Variants in KIAA0930 observed in about 807,000 individuals in gnomAD.
KIAA0930 encodes the protein uncharacterized protein KIAA0930.
In KIAA0930, 24 loss-of-function variants were observed where a neutral mutation model predicts 43.9. The ratio of observed to expected loss-of-function variants is 0.55; its 90% CI spans 0.40 to 0.77. KIAA0930 has a LOEUF of 0.77. Ranked by LOEUF, KIAA0930 falls within the 30% of genes least tolerant of loss-of-function variation. KIAA0930 has a pLI of 0.00. For synonymous variants in KIAA0930, 259 were observed against 216.4 expected, an observed-to-expected ratio of 1.20 and a Z score of -1.73; for missense variants, 461 against 574.2, an observed-to-expected ratio of 0.80 and a Z score of 2.02.
At position 45,192,609 on chromosome 22, in the gene KIAA0930, G is replaced by T. The variant is rs543856154; in HGVS notation, c.*4567C>A. 5.9e-5 allele frequency: 9 copies of T among 152,226 alleles called. No individual in the cohort carries two copies. Among genetic ancestry groups the T allele is most frequent in the Non-Finnish European group, 1.3e-4 (9 of 68,040 alleles). 9.4% of individuals were successfully genotyped at this position (152,226 alleles called of 1,614,324 possible). Reference sequence around the variant, plus strand: ...CCTAAACTGCCTGGCCTTCCAGAGCGGGGACTAAAGGGGCAGGGCGGGGAA... The same window carrying T: ...CCTAAACTGCCTGGCCTTCCAGAGCTGGGACTAAAGGGGCAGGGCGGGGAA... On this transcript the variant is annotated 3_prime_UTR_variant, in exon 10 of 10. Transcript: ENST00000336156.
intron 2 of KIAA0930, among the ~76,000 whole-genome samples, chr22:45,206,693 G>A (rs953144010): frequency 4.0e-5 from 5 of 123,704 alleles, no homozygotes; most frequent in Non-Finnish European, 8.6e-5. Flanking sequence ...CTGGGAGACT[G>A]GCTTCCAATT....
At position 45,195,186 on chromosome 22, in the gene KIAA0930, C is replaced by G. The variant is rs2083525143; in HGVS notation, c.*1990G>C. On this transcript the variant is annotated 3_prime_UTR_variant, in exon 10 of 10. Coordinates refer to ENST00000336156, the MANE Select transcript of KIAA0930 (RefSeq NM_001009880.2). Reference sequence around the variant, plus strand: ...GGGAGCCCAGCTTGCTCTGAGCCATCCAGCAGTGCTGGCCAAGCCTCCGAG... The same window carrying G: ...GGGAGCCCAGCTTGCTCTGAGCCATGCAGCAGTGCTGGCCAAGCCTCCGAG... 1 of 152,216 alleles carries G rather than the reference C, an allele frequency of 6.6e-6. No homozygotes were observed. Among genetic ancestry groups the G allele is most frequent in the Non-Finnish European group, 1.5e-5 (1 of 68,040 alleles). 9.4% of individuals were successfully genotyped at this position (152,216 alleles called of 1,614,324 possible). A position where few individuals can be genotyped will look rare whatever the true frequency, so the allele number is the denominator to read the frequency against.
intron 1 of KIAA0930, among the ~76,000 whole-genome samples, chr22:45,229,107 A>T (rs2083831007): frequency 2.4e-5 from 1 of 40,878 alleles, no homozygotes; most frequent in African/African-American, 9.8e-5. Context: ...CACTCACCCG[A>T]GAGATCCCTC....
chr22:45,203,658 G>A (rs972925278), intron 6 of KIAA0930, among the ~76,000 whole-genome samples, 187 bp downstream of exon 6: 2 of 152,268 alleles, frequency 1.3e-5, no homozygotes, highest in Non-Finnish European at 2.9e-5. Context: ...GGCTGAGGCC[G>A]ACCATGAAGA....
At chr22:45,226,746 C>G (rs1374773422) in intron 1 of KIAA0930, 1 of 159,206 alleles carries the variant, frequency 6.3e-6, no homozygotes, top group Non-Finnish European at 1.4e-5. Context: ...CGACCACTTC[C>G]TGAGTAATTT....
intron 1 of KIAA0930, among the ~76,000 whole-genome samples, chr22:45,212,842 G>C (rs1214079907): frequency 1.5e-4 from 23 of 152,240 alleles, no homozygotes; most frequent in Admixed American, 1.5e-3. Context: ...CGGGGGCTCT[G>C]AGCCACAGGT....
intron 1 of KIAA0930, among the ~76,000 whole-genome samples, chr22:45,216,190 T>A (rs2083731517): frequency 6.6e-6 from 1 of 152,148 alleles, no homozygotes; most frequent in Non-Finnish European, 1.5e-5. Context: ...CAGTACAGTG[T>A]TAGGAGTTGC....
In KIAA0930 at chr22:45,240,631, C is replaced by A; in HGVS notation, c.64+9G>T. The A allele has an allele frequency of 6.6e-7, 1 of 1,523,062 alleles. No homozygotes were observed. 94.3% of individuals were successfully genotyped at this position (1,523,062 alleles called of 1,614,324 possible). A position where few individuals can be genotyped will look rare whatever the true frequency, so the allele number is the denominator to read the frequency against. ...TCCCGGCCCGGCCTCGCCCCCGGGT[C>A]CCACTCACCGAGGCCGCAGACCTCG... On this transcript the variant is annotated intron_variant, in intron 1 of 9. Coordinates refer to ENST00000336156, the MANE Select transcript of KIAA0930 (RefSeq NM_001009880.2).
chr22:45,226,593 T>C (rs560407388), intron 1 of KIAA0930, among the ~76,000 whole-genome samples: 2 of 151,626 alleles, frequency 1.3e-5, no homozygotes, highest in South Asian at 4.2e-4. Context: ...CTAAGCACAA[T>C]CATCAAGCTG....
At chr22:45,231,222 A>G (rs1371304359) in intron 1 of KIAA0930, among the ~76,000 whole-genome samples, 1 of 140,814 alleles carries the variant, frequency 7.1e-6, no homozygotes, top group Non-Finnish European at 1.5e-5. Context: ...ACTCCGTCTC[A>G]GAAAAAAAAA....
At chr22:45,212,276 C>G (rs776963356) in intron 1 of KIAA0930, 169 bp from the exon 2 acceptor site, 2 of 1,613,446 alleles carry the variant, frequency 1.2e-6, no homozygotes, top group Non-Finnish European at 1.7e-6. Context: ...CATGGAGCAT[C>G]CAGAGAGGCT....
At position 45,195,477 on chromosome 22, in the gene KIAA0930, G is replaced by A. The variant is rs2083527737; in HGVS notation, c.*1699C>T. 1 of 152,294 alleles carries A rather than the reference G, an allele frequency of 6.6e-6. No individual in the cohort carries two copies. The highest frequency in any genetic ancestry group is 2.4e-5 in the African/African-American group (1 of 41,438). 9.4% of individuals were successfully genotyped at this position (152,294 alleles called of 1,614,324 possible). ...ACTCAAATGGGGCTGGACCATGCTC[G>A]GGGCTCCCTGAGGCTCTGTCCCCAC... On this transcript the variant is annotated 3_prime_UTR_variant, in exon 10 of 10. Transcript: ENST00000336156.
intron 1 of KIAA0930, among the ~76,000 whole-genome samples, chr22:45,220,405 G>C (rs921017598): frequency 1.3e-5 from 2 of 151,702 alleles, no homozygotes; most frequent in Admixed American, 6.6e-5. Flanking sequence ...CAGTGATCGA[G>C]ATCGGGCCAC....
At chr22:45,216,952 TAGTC>T (rs1424504844) in intron 1 of KIAA0930, among the ~76,000 whole-genome samples, 2 of 152,194 alleles carry the variant, frequency 1.3e-5, no homozygotes, top group South Asian at 2.1e-4. Flanking sequence ...AACACTGAAT[TAGTC>T]AGTACCGACC....
chr22:45,226,113 C>T (rs1186702131), intron 1 of KIAA0930: 22 of 394,184 alleles, frequency 5.6e-5, no homozygotes, highest in South Asian at 2.0e-4. Context: ...GCCCTGTCCT[C>T]GGTGCGTTCA....
At chr22:45,228,775 C>CCCTCTCCA (rs1601824853) in intron 1 of KIAA0930, among the ~76,000 whole-genome samples, 151 of 3,640 alleles carry the variant, frequency 0.041, 35 homozygotes, top group Middle Eastern at 0.17. Context: ...CCCTCCCCAT[C>CCCTCTCCA]CCCCCCAACC....
chr22:45,211,464 G>T (rs1312929174), intron 2 of KIAA0930: 1 of 400,542 alleles, frequency 2.5e-6, no homozygotes, highest in Non-Finnish European at 4.4e-6. Flanking sequence ...CCACCCTGTC[G>T]AGTTGTTGGG....
At chr22:45,210,652 G>C (rs2083684489) in intron 2 of KIAA0930, among the ~76,000 whole-genome samples, 1 of 150,892 alleles carries the variant, frequency 6.6e-6, no homozygotes, top group Non-Finnish European at 1.5e-5. Flanking sequence ...GGGCGGGCGT[G>C]GCAGCAGGTT....
intron 1 of KIAA0930, among the ~76,000 whole-genome samples, chr22:45,231,439 G>A (rs1397322536): frequency 6.6e-6 from 1 of 152,072 alleles, no homozygotes; most frequent in Non-Finnish European, 1.5e-5. Flanking sequence ...AGATCCGAGG[G>A]ATGTCTGGGC....
Sources: allele counts gnomAD v4.1 joint callset (sites outside exome capture counted in the v4.1 genomes callset), GRCh38; gene constraint gnomAD v4.1.1; transcripts MANE v1.5; gene names NCBI Gene and HGNC (gene_info 2026-07-23, HGNC 2026-07-21).